Variants in REELD1 observed in about 807,000 individuals in gnomAD.
REELD1 encodes the protein reeler domain containing 1.
A neutral mutation model predicts 6.3 loss-of-function variants in REELD1; 12 were observed. That is an observed-to-expected ratio of 1.89 (90% CI 1.21 to 3.07). The LOEUF is 3.07. Ranked by LOEUF, REELD1 falls within the 30% of genes most tolerant of loss-of-function variation. The pLI, the probability that REELD1 is intolerant of heterozygous loss-of-function variation, is 0.00. For synonymous variants in REELD1, 57 were observed against 33.6 expected (o/e 1.70, Z -2.42); for missense variants, 163 against 86.8 (o/e 1.88, Z -3.49).
intron 6 of REELD1, among the ~76,000 whole-genome samples, chr4:146,228,790 T>C (rs891928101): frequency 6.6e-6 from 1 of 152,056 alleles, no homozygotes; most frequent in Non-Finnish European, 1.5e-5. Context: ...ATATTTATAA[T>C]AACAACATAG....
At chr4:146,219,578 G>A (rs2072986770) in intron 3 of REELD1, among the ~76,000 whole-genome samples, 1 of 152,162 alleles carries the variant, frequency 6.6e-6, no homozygotes, top group South Asian at 2.1e-4. Context: ...ACTTATAAAG[G>A]TCTGACCCTG....
chr4:146,220,833 C>T (rs1419089107), intron 3 of REELD1, among the ~76,000 whole-genome samples: 4 of 152,188 alleles, frequency 2.6e-5, no homozygotes, highest in South Asian at 2.1e-4. Flanking sequence ...CTAACTTCCC[C>T]GAAGACAGGT....
At chr4:146,219,711 T>G (rs1730886327) in intron 3 of REELD1, among the ~76,000 whole-genome samples, 1 of 152,074 alleles carries the variant, frequency 6.6e-6, no homozygotes, top group Non-Finnish European at 1.5e-5. Flanking sequence ...TTAAAAGTAC[T>G]TTTCCTTCTC....
chr4:146,220,816 G>A (rs1730911323), intron 3 of REELD1, among the ~76,000 whole-genome samples: 1 of 152,242 alleles, frequency 6.6e-6, no homozygotes, highest in Non-Finnish European at 1.5e-5. Context: ...TGGGGAAAAG[G>A]AGAGGCCTAA....
intron 4 of REELD1, among the ~76,000 whole-genome samples, chr4:146,222,829 G>A (rs1482598058): frequency 6.6e-6 from 1 of 152,188 alleles, no homozygotes; most frequent in African/African-American, 2.4e-5. Context: ...TGCCTCCCCA[G>A]GCACAGGTAA....
chr4:146,220,453 CTT>C (rs967127132), intron 3 of REELD1, among the ~76,000 whole-genome samples: 3 of 152,024 alleles, frequency 2.0e-5, no homozygotes, highest in African/African-American at 7.2e-5. Flanking sequence ...TTAACAGAAA[CTT>C]AATGAATAAA....
At chr4:146,223,013 CAT>C (rs1730951157) in intron 4 of REELD1, among the ~76,000 whole-genome samples, 1 of 152,262 alleles carries the variant, frequency 6.6e-6, no homozygotes, top group African/African-American at 2.4e-5. Context: ...TATAAATGGG[CAT>C]AACCACAGCA....
chr4:146,217,014 C>T lies in REELD1; in HGVS notation c.62C>T (p.Ser21Leu), dbSNP rs1175393176. 1.0e-5 allele frequency: 4 copies of T among 398,892 alleles called. No homozygotes were observed. The highest frequency in any genetic ancestry group is 8.8e-6 in the Non-Finnish European group (2 of 226,270). The allele number at this position is 398,892 out of a possible 1,614,324, so 24.7% of individuals were successfully genotyped here. A position where few individuals can be genotyped will look rare whatever the true frequency, so the allele number is the denominator to read the frequency against. ...ACTTLCLASC[S>L]SAFSHGASTV... ...ACCACCCTCTGCCTGGCTTCCTGCT[C>T]ATCTGCCTTTTCCCATGGTGCCAGC... is the stretch of plus-strand genomic sequence containing the variant. Residue 21 changes from serine (S) to leucine (L), a missense_variant, in exon 3 of 8, where the codon TCA becomes TTA. Transcript: ENST00000623665.
In REELD1 at chr4:146,217,139, G is replaced by C. The variant is rs1227182359; in HGVS notation, c.187G>C (p.Ala63Pro). ...ITIHTHRTSYAPGDKIPVTVR... is the reference protein window; with the variant it reads ...ITIHTHRTSYPPGDKIPVTVR... Reference sequence around the variant, plus strand: ...CATCCACACCCACAGGACTTCCTATGCACCAGGTGACAAGATTCCAGGTAT... The same window carrying C: ...CATCCACACCCACAGGACTTCCTATCCACCAGGTGACAAGATTCCAGGTAT... The change falls in exon 3 of 8, where the codon GCA becomes CCA. Residue 63 changes from alanine (A) to proline (P), a missense_variant. Transcript: ENST00000623665. The C allele has an allele frequency of 2.5e-6, 1 of 399,578 alleles. No individual in the cohort carries two copies. Among genetic ancestry groups the C allele is most frequent in the African/African-American group, 2.1e-5 (1 of 48,620 alleles). 24.8% of individuals were successfully genotyped at this position (399,578 alleles called of 1,614,324 possible). A position where few individuals can be genotyped will look rare whatever the true frequency, so the allele number is the denominator to read the frequency against.
intron 3 of REELD1, among the ~76,000 whole-genome samples, chr4:146,219,939 T>C (rs1730892038): frequency 6.7e-6 from 1 of 149,790 alleles, no homozygotes; most frequent in Non-Finnish European, 1.5e-5. Context: ...TGTTTTTTTG[T>C]TTGTTTTTTT....
In REELD1 at chr4:146,230,616, T is replaced by C; in HGVS notation, c.*103T>C. ...AATAACTGATGAAGACAGGGACTCA[T>C]TGTGCCTCTGTCAATGTGCAGTTAG... On this transcript the variant is annotated 3_prime_UTR_variant, in exon 8 of 8. Coordinates refer to ENST00000623665, the MANE Select transcript of REELD1 (RefSeq NM_001354631.1). 2.5e-6 allele frequency: 1 copy of C among 397,452 alleles called. No homozygotes were observed. The highest frequency in any genetic ancestry group is 4.4e-6 in the Non-Finnish European group (1 of 225,868). 24.6% of individuals were successfully genotyped at this position (397,452 alleles called of 1,614,324 possible).
chr4:146,228,960 G>A (rs1731077701), intron 6 of REELD1, 65 bp from the exon 7 acceptor site: 1 of 701,146 alleles, frequency 1.4e-6, no homozygotes, highest in South Asian at 1.5e-5. Context: ...AACTGTGGTA[G>A]GAAACATTGC....
Position 146,223,691 on chromosome 4 carries a change from C to T in REELD1, c.432-754C>T, listed in dbSNP as rs969451252. Among the ~76,000 whole-genome samples the T allele has an allele frequency of 2.6e-5, 4 of 152,356 alleles. No individual in the cohort carries two copies. In the East Asian group the frequency reaches 7.7e-4, roughly 29 times the overall value. On this transcript the variant is annotated intron_variant, in intron 4 of 7. Coordinates refer to ENST00000623665, the MANE Select transcript of REELD1 (RefSeq NM_001354631.1). Reference sequence around the variant, plus strand: ...AAGTCACTTGATGAGACACCTGTCCCAAGTCACCCTGTGATCTCCCACCTC... The same window carrying T: ...AAGTCACTTGATGAGACACCTGTCCTAAGTCACCCTGTGATCTCCCACCTC...
At chr4:146,227,729 T>C (rs146326335) in intron 5 of REELD1, among the ~76,000 whole-genome samples, 1 of 152,150 alleles carries the variant, frequency 6.6e-6, no homozygotes, top group Non-Finnish European at 1.5e-5. Flanking sequence ...AATTAGATGG[T>C]GGAGGGCATT....
rs532896468 is a variant in REELD1, at chr4:146,230,847, A to G, written c.*334A>G. The G allele has an allele frequency of 5.6e-6, 1 of 178,748 alleles. No homozygotes were observed. Among genetic ancestry groups the G allele is most frequent in the African/African-American group, 2.3e-5 (1 of 42,710 alleles). The allele number at this position is 178,748 out of a possible 1,614,324, so 11.1% of individuals were successfully genotyped here. A position where few individuals can be genotyped will look rare whatever the true frequency, so the allele number is the denominator to read the frequency against. On this transcript the variant is annotated 3_prime_UTR_variant, in exon 8 of 8. Transcript: ENST00000623665. ...CTAAGCTTCCTCTGTTGTGGTAAGG[A>G]AGCCATAGAAATAAAAATACTGTCC...
chr4:146,227,322 A>C lies in REELD1; in HGVS notation c.596-888A>C, dbSNP rs550012812. The stretch of plus-strand genomic sequence containing the variant: ...CTCAACGTTTTTGAGTGTTAAAAAC[A>C]TTGGAGCAAAGGGGTACCTCCTCCA... On this transcript the variant is annotated intron_variant, in intron 5 of 7. Transcript: ENST00000623665. 2.0e-5 allele frequency among the ~76,000 whole-genome samples: 3 copies of C among 152,358 alleles called. No homozygotes were observed. The East Asian group carries it at 5.8e-4, about 29-fold the overall frequency.
chr4:146,216,453 G>A (rs1367566514), intron 2 of REELD1, among the ~76,000 whole-genome samples: 3 of 152,170 alleles, frequency 2.0e-5, no homozygotes, highest in East Asian at 1.9e-4. Flanking sequence ...ATGTTTTGTA[G>A]CACTTAACTT....
intron 3 of REELD1, among the ~76,000 whole-genome samples, chr4:146,222,002 T>A (rs1264397985): frequency 1.3e-5 from 2 of 152,060 alleles, no homozygotes; most frequent in East Asian, 3.8e-4. Context: ...TGGAAAATAA[T>A]TTTTTTTAAT....
chr4:146,226,832 G>A (rs1731031782), intron 5 of REELD1, among the ~76,000 whole-genome samples: 1 of 152,194 alleles, frequency 6.6e-6, no homozygotes, highest in South Asian at 2.1e-4. Context: ...GTGCAGTGAT[G>A]CAGTCTCAGC....
Sources: gnomAD v4.1 joint callset for allele counts (sites outside exome capture counted in the v4.1 genomes callset) on GRCh38, gnomAD v4.1.1 for gene constraint, MANE v1.5 for transcripts, NCBI Gene and HGNC (gene_info 2026-07-23, HGNC 2026-07-21) for gene names.